Variants in MMP16 observed in about 807,000 individuals in gnomAD.
The protein encoded by MMP16 is matrix metallopeptidase 16.
Under a neutral mutation model 67.8 loss-of-function variants are expected in MMP16, and 12 were observed. The observed-to-expected ratio is 0.18, with a 90% CI of 0.11 to 0.29. The LOEUF is 0.29. Among genes scored for constraint, MMP16 ranks in the 10% least tolerant of loss-of-function variants. The pLI is 1.00. For synonymous variants in MMP16, 249 were observed against 255.9 expected, an observed-to-expected ratio of 0.97 and a Z score of 0.26; for missense variants, 475 against 765.7, an observed-to-expected ratio of 0.62 and a Z score of 4.48.
At chr8:88,247,336 T>C (rs1159999206) in intron 1 of MMP16, among the ~76,000 whole-genome samples, 1 of 152,152 alleles carries the variant, frequency 6.6e-6, no homozygotes, top group African/African-American at 2.4e-5. Flanking sequence ...TCTTGTCCTT[T>C]TGAGAATTTT....
At chr8:88,097,625 CA>C (rs34488162) in intron 6 of MMP16, among the ~76,000 whole-genome samples, 4,521 of 67,446 alleles carry the variant, frequency 0.067, 123 homozygotes, top group African/African-American at 0.16. Context: ...AACCCTGTCT[CA>C]AAAAAAAAAA....
chr8:88,142,350 A>G (rs1426547263), intron 4 of MMP16, among the ~76,000 whole-genome samples: 1 of 152,162 alleles, frequency 6.6e-6, no homozygotes, highest in African/African-American at 2.4e-5. Flanking sequence ...CATATTTTAA[A>G]GCTATATATT....
At chr8:88,311,867 A>G (rs1811300086) in intron 1 of MMP16, among the ~76,000 whole-genome samples, 1 of 152,162 alleles carries the variant, frequency 6.6e-6, no homozygotes, top group South Asian at 2.1e-4. Context: ...ACATGTCAAG[A>G]CCAGAGATAA....
chr8:88,302,703 A>G (rs1354048351), intron 1 of MMP16, among the ~76,000 whole-genome samples: 3 of 152,234 alleles, frequency 2.0e-5, no homozygotes, highest in African/African-American at 4.8e-5. Context: ...GAGAAAGAGA[A>G]TAGGATAATA....
intron 1 of MMP16, among the ~76,000 whole-genome samples, chr8:88,217,342 T>G (rs1334848582): frequency 6.6e-6 from 1 of 152,140 alleles, no homozygotes; most frequent in Non-Finnish European, 1.5e-5. Flanking sequence ...TCTATCTGCC[T>G]GTATACAGAC....
chr8:88,069,351 C>A (rs1290174790), intron 7 of MMP16: 5 of 409,844 alleles, frequency 1.2e-5, no homozygotes, highest in South Asian at 1.8e-5. Flanking sequence ...TTTAAATTTT[C>A]AATTCCTGAT....
intron 4 of MMP16, among the ~76,000 whole-genome samples, chr8:88,164,028 A>G (rs531930186): frequency 6.6e-6 from 1 of 152,112 alleles, no homozygotes; most frequent in Non-Finnish European, 1.5e-5. Flanking sequence ...AGGTATGACT[A>G]TTAGCAAATT....
intron 1 of MMP16, among the ~76,000 whole-genome samples, chr8:88,251,075 AT>A (rs1374149645): frequency 1.3e-5 from 2 of 151,618 alleles, no homozygotes; most frequent in African/African-American, 4.8e-5. Flanking sequence ...ATGATTTCCA[AT>A]TTCATCCATG....
At chr8:88,269,817 T>G (rs1038877868) in intron 1 of MMP16, among the ~76,000 whole-genome samples, 1 of 152,170 alleles carries the variant, frequency 6.6e-6, no homozygotes, top group African/African-American at 2.4e-5. Context: ...ATTTCAAATA[T>G]AGCAGTTTTT....
chr8:88,152,007 C>T (rs1464096493), intron 4 of MMP16, among the ~76,000 whole-genome samples: 99 of 73,846 alleles, frequency 1.3e-3, no homozygotes, highest in African/African-American at 6.2e-3. Context: ...ATCAAATAGA[C>T]ACAATAAAAA....
chr8:88,205,265 T>C (rs1194577737), intron 1 of MMP16, among the ~76,000 whole-genome samples: 1 of 152,152 alleles, frequency 6.6e-6, no homozygotes, highest in African/African-American at 2.4e-5. Flanking sequence ...ACACCAAGCT[T>C]GGCTCTGTTA....
intron 1 of MMP16, among the ~76,000 whole-genome samples, chr8:88,201,508 C>T (rs1273666656): frequency 2.6e-5 from 4 of 152,020 alleles, no homozygotes; most frequent in African/African-American, 9.7e-5. Flanking sequence ...GAATCTCTTC[C>T]ATTTACTTGA....
intron 1 of MMP16, among the ~76,000 whole-genome samples, chr8:88,278,275 G>A (rs527289904): frequency 3.3e-5 from 5 of 152,206 alleles, no homozygotes; most frequent in South Asian, 2.1e-4. Context: ...TATAAGATTC[G>A]TAATGGATAG....
chr8:88,245,104 G>A (rs987997526), intron 1 of MMP16, among the ~76,000 whole-genome samples: 16 of 152,036 alleles, frequency 1.1e-4, no homozygotes, highest in South Asian at 2.1e-4. Context: ...TGTTTTCTGT[G>A]ACCTTTCTTC....
chr8:88,108,024 T>C (rs1162196382), intron 6 of MMP16, among the ~76,000 whole-genome samples: 1 of 151,080 alleles, frequency 6.6e-6, no homozygotes, highest in Non-Finnish European at 1.5e-5. Context: ...TTCCAATATA[T>C]GTGGGTGGAA....
At chr8:88,119,198 A>T (rs1448834067) in intron 4 of MMP16, among the ~76,000 whole-genome samples, 2 of 152,088 alleles carry the variant, frequency 1.3e-5, no homozygotes, top group Non-Finnish European at 2.9e-5. Context: ...AACGTGAAAC[A>T]TCTTACTTTT....
chr8:88,172,491 C>A (rs1190350603), intron 3 of MMP16, among the ~76,000 whole-genome samples: 2 of 152,122 alleles, frequency 1.3e-5, no homozygotes, highest in Admixed American at 6.5e-5. Flanking sequence ...TTATTCATAA[C>A]TGAACTAACA....
chr8:88,300,626 G>A (rs908264353), intron 1 of MMP16, among the ~76,000 whole-genome samples: 6 of 152,122 alleles, frequency 3.9e-5, no homozygotes, highest in Non-Finnish European at 7.3e-5. Flanking sequence ...TATTTTATAA[G>A]TTAAACTTTA....
At chr8:88,112,683 GTC>G (rs56221713) in intron 6 of MMP16, among the ~76,000 whole-genome samples, 8,989 of 151,450 alleles carry the variant, frequency 0.059, 418 homozygotes, top group Admixed American at 0.12. Context: ...GTGTGTGTGT[GTC>G]TGTGTGTATG....
Sources: gnomAD v4.1 joint callset for allele counts (sites outside exome capture counted in the v4.1 genomes callset) on GRCh38, gnomAD v4.1.1 for gene constraint, MANE v1.5 for transcripts, NCBI Gene and HGNC (gene_info 2026-07-23, HGNC 2026-07-21) for gene names.